Variants in SYT1 observed in about 807,000 individuals in gnomAD.
SYT1 encodes the protein synaptotagmin 1, also known as synaptotagmin-1.
In SYT1, 8 loss-of-function variants were observed where a neutral mutation model predicts 44.8. The observed-to-expected ratio is 0.18, with a 90% CI of 0.10 to 0.32. The LOEUF is 0.32. Ranked by LOEUF, SYT1 falls within the 10% of genes least tolerant of loss-of-function variation. The pLI, the probability that SYT1 is intolerant of heterozygous loss-of-function variation, is 1.00. For missense variants in SYT1, 286 were observed against 509.3 expected (o/e 0.56, Z 4.22); for synonymous variants, 154 against 188.8 (o/e 0.82, Z 1.51).
intron 3 of SYT1, among the ~76,000 whole-genome samples, chr12:79,080,329 C>T (rs562502496): frequency 9.9e-5 from 15 of 152,016 alleles, no homozygotes; most frequent in Admixed American, 4.6e-4. Flanking sequence ...ATTTGACAAC[C>T]ACGAACCTCA....
intron 8 of SYT1, 140 bp from the exon 9 acceptor site, chr12:79,353,362 C>T (rs565999334): frequency 1.6e-6 from 1 of 607,260 alleles, no homozygotes; most frequent in South Asian, 2.1e-5. Context: ...TGAAAGGCCA[C>T]TGTGTAAATG....
At chr12:79,247,629 C>T (rs116963931) in intron 4 of SYT1, among the ~76,000 whole-genome samples, 5 of 152,218 alleles carry the variant, frequency 3.3e-5, no homozygotes, top group East Asian at 1.9e-4. Flanking sequence ...ACACATTGGC[C>T]GTGGATCTCT....
chr12:79,290,627 A>C lies in SYT1; in HGVS notation c.352-1381A>C, dbSNP rs192374755. ...CTTTATCAGAGATATAAAACAGTCT[A>C]CCACTGGCTTATCCATTTTGATTTC... On this transcript the variant is annotated intron_variant, in intron 5 of 10. Coordinates refer to ENST00000261205, the MANE Select transcript of SYT1 (RefSeq NM_005639.3). 3.9e-5 allele frequency among the ~76,000 whole-genome samples: 6 copies of C among 152,232 alleles called. 1 individual carries two copies. Among genetic ancestry groups the C allele is most frequent in the Non-Finnish European group, 7.3e-5 (5 of 68,036 alleles).
chr12:79,319,305 G>A (rs975556180), intron 8 of SYT1, among the ~76,000 whole-genome samples: 1 of 152,124 alleles, frequency 6.6e-6, no homozygotes, highest in African/African-American at 2.4e-5. Flanking sequence ...TGTGCTCAGT[G>A]TGTAACTCAT....
intron 3 of SYT1, among the ~76,000 whole-genome samples, chr12:79,075,890 A>G (rs2137924510): frequency 6.6e-6 from 1 of 152,260 alleles, no homozygotes; most frequent in South Asian, 2.1e-4. Flanking sequence ...GATGATTATA[A>G]ATCACAAATT....
In SYT1 at chr12:79,001,412, T is replaced by C. The variant is rs533271909; in HGVS notation, c.-84+23481T>C. On this transcript the variant is annotated intron_variant, in intron 2 of 10. Transcript: ENST00000261205. ...CAAATATCAATACTTAGTAGTTTTC[T>C]CTTCCTTTAGGGCAAATTTTAACTC... Among the ~76,000 whole-genome samples, 4 of 152,294 alleles carry C rather than the reference T, an allele frequency of 2.6e-5. No individual in the cohort carries two copies. In the South Asian group the frequency reaches 8.3e-4, roughly 32 times the overall value.
chr12:79,196,385 C>G (rs536337490), intron 3 of SYT1, among the ~76,000 whole-genome samples: 1 of 152,134 alleles, frequency 6.6e-6, no homozygotes, highest in South Asian at 2.1e-4. Context: ...CCAGGATGGT[C>G]TCGATTTCTT....
At chr12:79,045,529 C>G (rs199745829) in intron 2 of SYT1, 1 of 156,998 alleles carries the variant, frequency 6.4e-6, no homozygotes, top group African/African-American at 2.4e-5. Flanking sequence ...TCTGGCACTC[C>G]CTAGTGAGAT....
chr12:79,209,319 C>T (rs990036758), intron 3 of SYT1, among the ~76,000 whole-genome samples: 1 of 152,144 alleles, frequency 6.6e-6, no homozygotes, highest in Non-Finnish European at 1.5e-5. Context: ...AAAGCTTTGA[C>T]AGTGGTTCAT....
rs188730492 is a variant in SYT1, at chr12:79,077,824, A to G, written c.-18+30462A>G. Among the ~76,000 whole-genome samples the G allele has an allele frequency of 5.9e-5, 9 of 152,280 alleles. No homozygotes were observed. The East Asian group carries it at 1.5e-3, about 26-fold the overall frequency. On this transcript the variant is annotated intron_variant, in intron 3 of 10. Transcript: ENST00000261205. Reference sequence around the variant, plus strand: ...TGGGCCATTCAGTATTATCATGTCTATCTTGCTGGCCCTATTAGAAATACC... The same window carrying G: ...TGGGCCATTCAGTATTATCATGTCTGTCTTGCTGGCCCTATTAGAAATACC...
intron 1 of SYT1, among the ~76,000 whole-genome samples, chr12:78,878,315 A>G (rs1874281140): frequency 6.6e-6 from 1 of 151,816 alleles, no homozygotes; most frequent in African/African-American, 2.4e-5. Flanking sequence ...TTAAGAAACA[A>G]ACAAATAACA....
chr12:79,344,451 TTTTG>T (rs1200804693), intron 8 of SYT1, among the ~76,000 whole-genome samples: 4 of 152,010 alleles, frequency 2.6e-5, no homozygotes, highest in Non-Finnish European at 4.4e-5. Flanking sequence ...TACTGTCACT[TTTTG>T]TTTGTTTTTG....
chr12:79,307,506 G>A (rs1322287254), intron 8 of SYT1, among the ~76,000 whole-genome samples: 1 of 152,074 alleles, frequency 6.6e-6, no homozygotes. Flanking sequence ...TTCCGAGCTG[G>A]CGGGGCTGAG....
chr12:79,177,898 G>GTT (rs71091643), intron 3 of SYT1, among the ~76,000 whole-genome samples: 1 of 118,702 alleles, frequency 8.4e-6, no homozygotes, highest in Non-Finnish European at 1.8e-5. Context: ...GGGGTTGTTT[G>GTT]TTTTTTCTTG....
chr12:79,081,035 A>C (rs527331466), intron 3 of SYT1, among the ~76,000 whole-genome samples: 1 of 152,324 alleles, frequency 6.6e-6, no homozygotes, highest in Non-Finnish European at 1.5e-5. Flanking sequence ...GCTATATGTT[A>C]GGTCAGTGCA....
intron 1 of SYT1, among the ~76,000 whole-genome samples, chr12:78,971,994 T>C (rs1282359609): frequency 6.6e-6 from 1 of 152,196 alleles, no homozygotes; most frequent in African/African-American, 2.4e-5. Flanking sequence ...TTAAAGTTCC[T>C]ATTAATAGGT....
At chr12:79,429,913 A>G (rs1869678244) in intron 9 of SYT1, among the ~76,000 whole-genome samples, 1 of 152,328 alleles carries the variant, frequency 6.6e-6, no homozygotes, top group South Asian at 2.1e-4. Context: ...CATTTAAACC[A>G]TCTTAAGATA....
At chr12:78,882,424 AC>A (rs903203177) in intron 1 of SYT1, among the ~76,000 whole-genome samples, 14 of 151,778 alleles carry the variant, frequency 9.2e-5, no homozygotes, top group Admixed American at 7.9e-4. Flanking sequence ...ATCATTAGAC[AC>A]TAAAATTGTA....
intron 3 of SYT1, among the ~76,000 whole-genome samples, chr12:79,164,255 C>T (rs935378411): frequency 2.0e-5 from 3 of 152,022 alleles, no homozygotes; most frequent in Non-Finnish European, 2.9e-5. Context: ...CTGCGGAGGA[C>T]CACTTAGCTT....
Sources: gnomAD v4.1 joint callset for allele counts (sites outside exome capture counted in the v4.1 genomes callset) on GRCh38, gnomAD v4.1.1 for gene constraint, MANE v1.5 for transcripts, NCBI Gene and HGNC (gene_info 2026-07-23, HGNC 2026-07-21) for gene names.